The following ENOX1 variants were observed in gnomAD, a reference collection of about 807,000 sequenced individuals.
ENOX1 encodes the protein ecto-NOX disulfide-thiol exchanger 1.
In ENOX1, 42 loss-of-function variants were observed where a neutral mutation model predicts 82.5. The observed-to-expected ratio is 0.51, with a 90% CI of 0.40 to 0.66. The LOEUF is 0.66. Among genes scored for constraint, ENOX1 ranks in the 30% least tolerant of loss-of-function variants. The pLI is 0.00. For missense variants in ENOX1, 608 were observed against 811.6 expected (o/e 0.75, Z 3.05); for synonymous variants, 271 against 282.2 (o/e 0.96, Z 0.40).
chr13:43,710,598 AAGG>A (rs1370385552), intron 1 of ENOX1, among the ~76,000 whole-genome samples: 6 of 152,180 alleles, frequency 3.9e-5, no homozygotes, highest in African/African-American at 9.6e-5. Flanking sequence ...ATAATAATTG[AAGG>A]AGGAGAGAAA....
intron 3 of ENOX1, among the ~76,000 whole-genome samples, chr13:43,445,461 G>A (rs1434247018): frequency 6.6e-6 from 1 of 151,620 alleles, no homozygotes; most frequent in Non-Finnish European, 1.5e-5. Flanking sequence ...TTTTAAAAAA[G>A]CCACTGCAAT....
chr13:43,343,966 T>TA (rs1035508705), intron 9 of ENOX1, among the ~76,000 whole-genome samples: 46 of 149,406 alleles, frequency 3.1e-4, no homozygotes, highest in African/African-American at 7.6e-4. Flanking sequence ...ACTCTGGACA[T>TA]AAAAAAAAAA....
intron 9 of ENOX1, among the ~76,000 whole-genome samples, chr13:43,332,910 G>T (rs17632604): frequency 0.2 from 29,623 of 151,912 alleles, 3,748 homozygotes; most frequent in East Asian, 0.55. Flanking sequence ...ACTCTACCAA[G>T]TTCTCTTTTT....
chr13:43,619,483 C>G (rs905973374), intron 2 of ENOX1, among the ~76,000 whole-genome samples: 2 of 151,260 alleles, frequency 1.3e-5, no homozygotes, highest in Non-Finnish European at 3.0e-5. Context: ...TTTTCAAATG[C>G]TTTTTTTTGC....
chr13:43,684,730 G>A (rs2153799795), intron 1 of ENOX1, among the ~76,000 whole-genome samples: 1 of 152,302 alleles, frequency 6.6e-6, no homozygotes, highest in Non-Finnish European at 1.5e-5. Flanking sequence ...GACCTCTTTG[G>A]AGGGAAGGAA....
At chr13:43,565,104 A>C (rs1416662228) in intron 2 of ENOX1, among the ~76,000 whole-genome samples, 1 of 152,188 alleles carries the variant, frequency 6.6e-6, no homozygotes, top group Non-Finnish European at 1.5e-5. Context: ...CAGTGGAAAG[A>C]GCAATAAAGC....
At chr13:43,406,941 G>T (rs927423812) in intron 5 of ENOX1, among the ~76,000 whole-genome samples, 6 of 152,176 alleles carry the variant, frequency 3.9e-5, no homozygotes, top group Admixed American at 1.3e-4. Flanking sequence ...AAAGTTTATA[G>T]AAAAGCAAGG....
intron 2 of ENOX1, among the ~76,000 whole-genome samples, chr13:43,614,121 G>C (rs946278557): frequency 1.3e-5 from 2 of 152,128 alleles, no homozygotes; most frequent in Non-Finnish European, 2.9e-5. Context: ...TGCTGGAATA[G>C]CATTTATTGG....
intron 3 of ENOX1, among the ~76,000 whole-genome samples, chr13:43,460,780 C>T (rs1045005684): frequency 8.1e-6 from 1 of 123,060 alleles, no homozygotes; most frequent in African/African-American, 3.1e-5. Context: ...GGCGACAGAG[C>T]GAGACTCCAT....
At chr13:43,591,402 AT>A (rs1469633627) in intron 2 of ENOX1, among the ~76,000 whole-genome samples, 1 of 152,228 alleles carries the variant, frequency 6.6e-6, no homozygotes, top group African/African-American at 2.4e-5. Flanking sequence ...GAGTCCCTCT[AT>A]ATAAACTCAA....
intron 8 of ENOX1, among the ~76,000 whole-genome samples, chr13:43,346,127 T>C (rs188306980): frequency 6.6e-6 from 1 of 152,330 alleles, no homozygotes; most frequent in East Asian, 1.9e-4. Context: ...TATAGGGTGC[T>C]TTACAAACAT....
intron 3 of ENOX1, among the ~76,000 whole-genome samples, chr13:43,478,497 C>A (rs1317423800): frequency 6.6e-6 from 1 of 152,066 alleles, no homozygotes; most frequent in Non-Finnish European, 1.5e-5. Context: ...AAAAACCTGA[C>A]TCAGGAACTC....
At position 43,247,864 on chromosome 13, in the gene ENOX1, TATATA is replaced by T. The variant is rs2043199999; in HGVS notation, c.1612-11131_1612-11127del. On this transcript the variant is annotated intron_variant, in intron 14 of 16. Coordinates refer to ENST00000690772, the MANE Select transcript of ENOX1 (RefSeq NM_001347969.2). ...ATATATATATATATATATATATATA[TATATA>T]TATATATATATATATTTTTTTTTTT... Among the ~76,000 whole-genome samples the T allele has an allele frequency of 8.8e-4, 2 of 2,264 alleles. 1 individual carries two copies. The highest frequency in any genetic ancestry group is 1.8e-3 in the Non-Finnish European group (2 of 1,132). The allele number at this position is 2,264 out of a possible 152,430, so 1.5% of individuals were successfully genotyped here.
At chr13:43,593,790 T>G (rs1258822383) in intron 2 of ENOX1, among the ~76,000 whole-genome samples, 2 of 151,996 alleles carry the variant, frequency 1.3e-5, no homozygotes, top group African/African-American at 4.8e-5. Context: ...AATATTAGTT[T>G]TCTTAACTTA....
chr13:43,220,363 C>G (rs936195103), intron 16 of ENOX1, among the ~76,000 whole-genome samples: 1 of 152,064 alleles, frequency 6.6e-6, no homozygotes, highest in African/African-American at 2.4e-5. Context: ...CTCGAGGGTA[C>G]CTTGCTGTTA....
intron 14 of ENOX1, among the ~76,000 whole-genome samples, chr13:43,240,079 A>G (rs561910492): frequency 2.0e-5 from 3 of 152,320 alleles, no homozygotes; most frequent in Admixed American, 6.5e-5. Context: ...AAAGAGCTCC[A>G]TCATCATGAT....
intron 11 of ENOX1, among the ~76,000 whole-genome samples, chr13:43,309,522 C>T (rs539323825): frequency 6.6e-6 from 1 of 152,274 alleles, no homozygotes; most frequent in South Asian, 2.1e-4. Context: ...CAGAAGGAAG[C>T]CAAGGACTTA....
intron 8 of ENOX1, among the ~76,000 whole-genome samples, chr13:43,355,005 T>C (rs748072127): frequency 3.9e-4 from 59 of 152,216 alleles, no homozygotes; most frequent in Admixed American, 1.4e-3. Flanking sequence ...ATCATGCCAT[T>C]GACTTGGTAT....
At chr13:43,537,099 A>G (rs1479845980) in intron 2 of ENOX1, among the ~76,000 whole-genome samples, 1 of 152,240 alleles carries the variant, frequency 6.6e-6, no homozygotes, top group Non-Finnish European at 1.5e-5. Flanking sequence ...AATCCTGGGC[A>G]GAGAAACTGC....
Sources: allele counts gnomAD v4.1 joint callset (sites outside exome capture counted in the v4.1 genomes callset), GRCh38; gene constraint gnomAD v4.1.1; transcripts MANE v1.5; gene names NCBI Gene and HGNC (gene_info 2026-07-23, HGNC 2026-07-21).